SMCHD1: variants seen among roughly 807,000 people sequenced by gnomAD.
SMCHD1 encodes the protein structural maintenance of chromosomes flexible hinge domain-containing protein 1.
In SMCHD1, 78 loss-of-function variants were observed where a neutral mutation model predicts 254.7. That is an observed-to-expected ratio of 0.31 (90% confidence interval 0.26 to 0.37). SMCHD1 has a LOEUF of 0.37. SMCHD1 is among the 10% of genes least tolerant of loss of function. The pLI, the probability that SMCHD1 is intolerant of heterozygous loss-of-function variation, is 1.00. For synonymous variants in SMCHD1, 766 were observed against 794.9 expected, an observed-to-expected ratio of 0.96 and a Z score of 0.61; for missense variants, 1,840 against 2,408.1, an observed-to-expected ratio of 0.76 and a Z score of 4.94.
intron 39 of SMCHD1, among the ~76,000 whole-genome samples, chr18:2,770,758 T>C (rs1022697456): frequency 6.6e-6 from 1 of 152,122 alleles, no homozygotes; most frequent in Non-Finnish European, 1.5e-5. Context: ...GTAGCTAGGA[T>C]TACAGGCACA....
At chr18:2,706,502 TAAG>T in intron 15 of SMCHD1, 32 bp downstream of exon 15, 1 of 1,446,220 alleles carries the variant, frequency 6.9e-7, no homozygotes. Flanking sequence ...ATGACAAAAA[TAAG>T]AAAAATTGGA....
At chr18:2,728,650 A>C (rs2075072217) in intron 23 of SMCHD1, 54 bp downstream of exon 23, 1 of 1,568,258 alleles carries the variant, frequency 6.4e-7, no homozygotes. Flanking sequence ...AGTGGCAATG[A>C]CTATTTTAGC....
At chr18:2,777,191 G>A (rs544417885) in intron 42 of SMCHD1, among the ~76,000 whole-genome samples, 195 of 152,162 alleles carry the variant, frequency 1.3e-3, no homozygotes, top group Non-Finnish European at 2.4e-3. Context: ...TTGACATTTA[G>A]GGCTAACGTT....
chr18:2,706,994 C>T (rs541164462), intron 15 of SMCHD1, among the ~76,000 whole-genome samples: 3 of 152,208 alleles, frequency 2.0e-5, no homozygotes, highest in African/African-American at 7.2e-5. Context: ...AACTGTCAAA[C>T]ACTTTAAAAA....
At chr18:2,765,932 GTCT>G (rs1230209857) in intron 37 of SMCHD1, among the ~76,000 whole-genome samples, 1 of 151,758 alleles carries the variant, frequency 6.6e-6, no homozygotes, top group Non-Finnish European at 1.5e-5. Context: ...AAGACATCTA[GTCT>G]TCTTTCTAAA....
intron 28 of SMCHD1, among the ~76,000 whole-genome samples, 181 bp from the exon 29 acceptor site, chr18:2,743,580 T>C (rs1455906940): frequency 2.0e-5 from 3 of 152,180 alleles, no homozygotes; most frequent in African/African-American, 7.2e-5. Flanking sequence ...AAAATTCAGT[T>C]TCTCCTCTCT....
rs1456934204 is a variant in SMCHD1, at chr18:2,728,519, G to A, written c.2836G>A (p.Ala946Thr). 2 of 1,613,178 alleles carry A rather than the reference G, an allele frequency of 1.2e-6. No homozygotes were observed. Among genetic ancestry groups the A allele is most frequent in the East Asian group, 2.2e-5 (1 of 44,786 alleles). ...SEILVIENGTAFPFQVEVLDE... is the reference protein window; with the variant it reads ...SEILVIENGTTFPFQVEVLDE... ...AATTTTAGTTATAGAAAATGGAACAGCTTTCCCATTTCAGGTGGAAGTTTT... is the reference window on the plus strand; with the variant it reads ...AATTTTAGTTATAGAAAATGGAACAACTTTCCCATTTCAGGTGGAAGTTTT... Residue 946 changes from alanine to threonine, a missense_variant, in exon 23 of 48, where the codon GCT (alanine) becomes ACT (threonine). This residue lies in a region of SMCHD1 where 881 missense variants were observed against 1,009.5 expected (regional missense o/e 0.87). Transcript: ENST00000320876.
At chr18:2,757,791 C>T (rs300820) in intron 34 of SMCHD1, among the ~76,000 whole-genome samples, 48,661 of 151,636 alleles carry the variant, frequency 0.32, 9,829 homozygotes, top group Non-Finnish European at 0.45. Flanking sequence ...CAAGTATGAA[C>T]GAAGATTTGT....
intron 5 of SMCHD1, among the ~76,000 whole-genome samples, chr18:2,677,196 T>C (rs1156554596): frequency 6.6e-6 from 1 of 152,166 alleles, no homozygotes; most frequent in Non-Finnish European, 1.5e-5. Context: ...AATACCCATA[T>C]ACTCACACCT....
In SMCHD1 at chr18:2,775,914, G is replaced by A. The variant is rs373881061; in HGVS notation, c.5356G>A (p.Asp1786Asn). The change falls in exon 42 of 48, where the codon GAT (aspartate) becomes AAT (asparagine). Residue 1786 changes from aspartate to asparagine, a missense_variant. By Grantham distance (23) the Asp-to-Asn change is conservative. Coordinates refer to ENST00000320876, the MANE Select transcript of SMCHD1 (RefSeq NM_015295.3). ...LDSIYKKTLP[D>N]WKRSLPHFRN... ...TTCTATTTACAAGAAGACTCTTCCA[G>A]ATTGGAAAAGGTTAGAAAAAAGTGA... The A allele has an allele frequency of 1.9e-6, 3 of 1,579,466 alleles. No homozygotes were observed. Among genetic ancestry groups the A allele is most frequent in the Non-Finnish European group, 2.6e-6 (3 of 1,169,472 alleles).
chr18:2,680,126 G>T (rs1598303950), intron 5 of SMCHD1, among the ~76,000 whole-genome samples: 1 of 152,084 alleles, frequency 6.6e-6, no homozygotes, highest in African/African-American at 2.4e-5. Context: ...CATTAGACAT[G>T]GTTTCTGTTC....
chr18:2,748,384 A>ATGTGTG (rs60959284), intron 30 of SMCHD1, among the ~76,000 whole-genome samples: 2,743 of 68,216 alleles, frequency 0.04, 374 homozygotes, highest in African/African-American at 0.18. Flanking sequence ...GTGTGTGTGT[A>ATGTGTG]TATAAATTTT....
At chr18:2,711,534 G>GT (rs2074671721) in intron 17 of SMCHD1, among the ~76,000 whole-genome samples, 1 of 143,602 alleles carries the variant, frequency 7.0e-6, no homozygotes, top group Admixed American at 7.1e-5. Flanking sequence ...CCAGGCTGGA[G>GT]TGCAGTGGCG....
intron 36 of SMCHD1, among the ~76,000 whole-genome samples, 179 bp downstream of exon 36, chr18:2,762,415 A>ATTC (rs2075801863): frequency 2.0e-5 from 3 of 152,098 alleles, no homozygotes; most frequent in Admixed American, 2.0e-4. Flanking sequence ...AATAGAGAAT[A>ATTC]TATAACATTA....
In SMCHD1 at chr18:2,729,294, T is replaced by A; in HGVS notation, c.2933T>A (p.Leu978His). The A allele has an allele frequency of 6.6e-7, 1 of 1,515,854 alleles. No individual in the cohort carries two copies. Among genetic ancestry groups the A allele is most frequent in the Non-Finnish European group, 8.8e-7 (1 of 1,134,538 alleles). 93.9% of individuals were successfully genotyped at this position (1,515,854 alleles called of 1,614,324 possible). ...VHCKFSGAPN[L>H]PVYVVDCSSS... is the part of the protein sequence containing the mutation. ...AAATAGTTTTCAGGTGCTCCAAACC[T>A]TCCAGTCTATGTTGTAGATTGCAGT... Residue 978 changes from leucine to histidine, a missense_variant, in exon 24 of 48, where the codon CTT becomes CAT. Physicochemically the swap from Leu to His is moderately conservative, Grantham distance 99. Around this residue, in one of 9 missense-constraint regions of SMCHD1, gnomAD observed 881 missense variants for 1,009.5 expected, o/e 0.87. Coordinates refer to ENST00000320876, the MANE Select transcript of SMCHD1 (RefSeq NM_015295.3).
At chr18:2,703,339 G>A (rs964979577) in intron 12 of SMCHD1, among the ~76,000 whole-genome samples, 1 of 152,102 alleles carries the variant, frequency 6.6e-6, no homozygotes, top group African/African-American at 2.4e-5. Flanking sequence ...ACAGTTAGAA[G>A]GCCTCCACTC....
At chr18:2,695,569 C>A (rs1261266006) in intron 8 of SMCHD1, among the ~76,000 whole-genome samples, 2 of 152,126 alleles carry the variant, frequency 1.3e-5, no homozygotes, top group Non-Finnish European at 2.9e-5. Flanking sequence ...CTCAGCCTCC[C>A]AAAGTACTGG....
intron 7 of SMCHD1, among the ~76,000 whole-genome samples, chr18:2,689,374 T>C (rs2509464): frequency 0.83 from 125,524 of 151,580 alleles, 55,221 homozygotes; most frequent in East Asian, 1. Flanking sequence ...CCTGCCACCA[T>C]GCCCTGCTAA....
chr18:2,801,533 C>A (rs778039845), intron 47 of SMCHD1, among the ~76,000 whole-genome samples: 9 of 152,104 alleles, frequency 5.9e-5, no homozygotes, highest in Non-Finnish European at 1.3e-4. Flanking sequence ...CTCACACTCT[C>A]AAGAGGTCAG....
Sources: allele counts gnomAD v4.1 joint callset (sites outside exome capture counted in the v4.1 genomes callset), GRCh38; gene constraint gnomAD v4.1.1; regional missense constraint gnomAD v4.1.1; transcripts MANE v1.5; gene names NCBI Gene and HGNC (gene_info 2026-07-23, HGNC 2026-07-21).